The following TRAP1 variants were observed in gnomAD, a reference collection of about 807,000 sequenced individuals.
TRAP1 encodes TNF receptor associated protein 1.
Under a neutral mutation model 89.1 loss-of-function variants are expected in TRAP1, and 102 were observed. The observed-to-expected ratio is 1.15, with a 90% CI of 0.98 to 1.35. TRAP1 has a LOEUF of 1.35. TRAP1 is among the 40% of genes most tolerant of loss of function. The pLI, the probability that TRAP1 is intolerant of heterozygous loss-of-function variation, is 0.00. For synonymous variants in TRAP1, 508 were observed against 388.0 expected, an observed-to-expected ratio of 1.31 and a Z score of -3.64; for missense variants, 1,256 against 945.3, an observed-to-expected ratio of 1.33 and a Z score of -4.31.
intron 10 of TRAP1, 55 bp downstream of exon 10, chr16:3,672,629 ACGGTCCCTCACAGATG>A: frequency 6.6e-7 from 1 of 1,518,900 alleles, no homozygotes; most frequent in Non-Finnish European, 8.8e-7. Context: ...TGGAATCAGC[ACGGTCCCTCACAGATG>A]CAGCGGGCGA....
At position 3,716,434 on chromosome 16, in the gene TRAP1, G is replaced by C. The variant is rs566791799; in HGVS notation, c.88+987C>G. Among the ~76,000 whole-genome samples, 180 of 152,234 alleles carry C rather than the reference G, an allele frequency of 1.2e-3. 6 individuals are homozygous for C. The South Asian group carries it at 0.035, about 30-fold the overall frequency. On this transcript the variant is annotated intron_variant, in intron 1 of 17. Coordinates refer to ENST00000246957, the MANE Select transcript of TRAP1 (RefSeq NM_016292.3). ...AGCATTGTAATAAAAAGTAAAACCT[G>C]AAATAACCTTTATTGCGTCCACTAA...
intron 1 of TRAP1, among the ~76,000 whole-genome samples, chr16:3,714,442 T>C (rs2051571075): frequency 6.6e-6 from 1 of 152,092 alleles, no homozygotes; most frequent in African/African-American, 2.4e-5. Flanking sequence ...TAGTGGATCA[T>C]GAGGTCAGGA....
chr16:3,674,947 G>C (rs1236330200), intron 8 of TRAP1: 1 of 324,140 alleles, frequency 3.1e-6, no homozygotes. Context: ...GACCGTGGCT[G>C]CTGGGACTGG....
intron 1 of TRAP1, among the ~76,000 whole-genome samples, chr16:3,706,499 G>C (rs1403519844): frequency 1.9e-5 from 2 of 105,686 alleles, no homozygotes; most frequent in Non-Finnish European, 3.7e-5. Context: ...CTTGCTCTTT[G>C]ACCAGGCTGA....
At chr16:3,693,110 G>A (rs1412993357) in intron 1 of TRAP1, among the ~76,000 whole-genome samples, 1 of 151,800 alleles carries the variant, frequency 6.6e-6, no homozygotes, top group Non-Finnish European at 1.5e-5. Flanking sequence ...CAGCCACCAT[G>A]CCTAATTTTT....
At chr16:3,680,170 G>A (rs919184260) in intron 4 of TRAP1, 1 of 198,572 alleles carries the variant, frequency 5.0e-6, no homozygotes, top group Non-Finnish European at 1.1e-5. Context: ...AGGAGGCAGA[G>A]ACTGCAGTGA....
intron 1 of TRAP1, among the ~76,000 whole-genome samples, chr16:3,715,549 C>T (rs903535967): frequency 6.6e-6 from 1 of 152,148 alleles, no homozygotes; most frequent in Non-Finnish European, 1.5e-5. Flanking sequence ...AAGCATGAAT[C>T]ACAAACACCT....
At chr16:3,689,200 T>C in intron 2 of TRAP1, 63 bp from the exon 3 acceptor site, 5 of 1,276,568 alleles carry the variant, frequency 3.9e-6, no homozygotes, top group Non-Finnish European at 5.6e-6. Context: ...AAGAATACGC[T>C]ACGTCACATT....
At chr16:3,715,453 G>C (rs1281754048) in intron 1 of TRAP1, among the ~76,000 whole-genome samples, 1 of 151,922 alleles carries the variant, frequency 6.6e-6, no homozygotes, top group Non-Finnish European at 1.5e-5. Context: ...AAAAGAAAAA[G>C]AAAAAGAGAT....
At chr16:3,671,600 C>A (rs868667610) in intron 11 of TRAP1, 122 bp downstream of exon 11, 3 of 1,057,060 alleles carry the variant, frequency 2.8e-6, no homozygotes, top group African/African-American at 3.1e-5. Context: ...ATGTGCAGGC[C>A]GGGCTTCCCC....
At chr16:3,681,968 T>C (rs1052248780) in intron 4 of TRAP1, among the ~76,000 whole-genome samples, 1 of 152,132 alleles carries the variant, frequency 6.6e-6, no homozygotes, top group African/African-American at 2.4e-5. Flanking sequence ...CCTATAAAGC[T>C]ACAATAATTA....
At chr16:3,706,531 C>T (rs540734289) in intron 1 of TRAP1, among the ~76,000 whole-genome samples, 1 of 147,780 alleles carries the variant, frequency 6.8e-6, no homozygotes, top group South Asian at 2.1e-4. Flanking sequence ...ACAATCACAG[C>T]TCAATGTAGC....
At chr16:3,662,613 T>C (rs1208597662) in intron 15 of TRAP1, 2 of 649,894 alleles carry the variant, frequency 3.1e-6, no homozygotes, top group Non-Finnish European at 5.7e-6. Context: ...TCCTCAGCCA[T>C]TGCAGCTCCC....
intron 1 of TRAP1, among the ~76,000 whole-genome samples, chr16:3,713,128 C>T (rs1478353100): frequency 6.6e-6 from 1 of 152,144 alleles, no homozygotes; most frequent in Non-Finnish European, 1.5e-5. Flanking sequence ...GACAGAGTCG[C>T]AACTGACCAG....
chr16:3,666,594 A>C (rs1190666668), intron 11 of TRAP1, among the ~76,000 whole-genome samples: 1 of 152,208 alleles, frequency 6.6e-6, no homozygotes, highest in Non-Finnish European at 1.5e-5. Flanking sequence ...AATAATCCTC[A>C]ATGACATGAG....
chr16:3,711,930 G>A (rs2051536776), intron 1 of TRAP1, among the ~76,000 whole-genome samples: 1 of 152,120 alleles, frequency 6.6e-6, no homozygotes, highest in African/African-American at 2.4e-5. Context: ...ACATTCTCTG[G>A]CTTTGAACCC....
chr16:3,685,923 C>A, intron 4 of TRAP1, 73 bp downstream of exon 4: 1 of 1,544,874 alleles, frequency 6.5e-7, no homozygotes, highest in Non-Finnish European at 8.8e-7. Context: ...GGACCCGAGA[C>A]ATCACTAGAA....
Position 3,658,765 on chromosome 16 carries a change from TGCAGTCATCCTAA to T in TRAP1, c.2013+15_2013+27del, listed in dbSNP as rs556692882. The T allele has an allele frequency of 1.7e-4, 266 of 1,607,322 alleles. No homozygotes were observed. In the African/African-American group the frequency reaches 3.2e-3, roughly 20 times the overall value. ...TGGCAGGGCTGGTAGCCTGGGTCCC[TGCAGTCATCCTAA>T]GCTGCTGCACTCACCTGATCCACCA... On this transcript the variant is annotated intron_variant, in intron 17 of 17. Coordinates refer to ENST00000246957, the MANE Select transcript of TRAP1 (RefSeq NM_016292.3).
intron 1 of TRAP1, among the ~76,000 whole-genome samples, chr16:3,716,409 A>G (rs1350725801): frequency 6.6e-6 from 1 of 152,236 alleles, no homozygotes; most frequent in African/African-American, 2.4e-5. Context: ...CATTCTATGC[A>G]GCATTGTAAT....
Sources: gnomAD v4.1 joint callset for allele counts (sites outside exome capture counted in the v4.1 genomes callset) on GRCh38, gnomAD v4.1.1 for gene constraint, MANE v1.5 for transcripts, NCBI Gene and HGNC (gene_info 2026-07-23, HGNC 2026-07-21) for gene names.